CSRNP3: variants seen among roughly 807,000 people sequenced by gnomAD.
The protein encoded by CSRNP3 is cysteine and serine rich nuclear protein 3, also known as cysteine/serine-rich nuclear protein 3.
In CSRNP3, 12 loss-of-function variants were observed where a neutral mutation model predicts 48.0. That is an observed-to-expected ratio of 0.25 (90% confidence interval 0.16 to 0.41). CSRNP3 has a LOEUF of 0.41. Ranked by LOEUF, CSRNP3 falls within the 10% of genes least tolerant of loss-of-function variation. The pLI is 1.00. For missense variants in CSRNP3, 580 were observed against 724.4 expected, an observed-to-expected ratio of 0.80 and a Z score of 2.29; for synonymous variants, 263 against 269.7, an observed-to-expected ratio of 0.98 and a Z score of 0.24.
chr2:165,566,650 T>G (rs1685301249), intron 3 of CSRNP3: 1 of 151,938 alleles, frequency 6.6e-6, no homozygotes, highest in Non-Finnish European at 1.5e-5. Flanking sequence ...ATCCAACTAA[T>G]TTTTAAATTT....
At chr2:165,535,066 G>A (rs1489902503) in intron 3 of CSRNP3, among the ~76,000 whole-genome samples, 1 of 151,734 alleles carries the variant, frequency 6.6e-6, no homozygotes, top group Non-Finnish European at 1.5e-5. Context: ...ATAATGGTAT[G>A]TAATATAGTC....
At chr2:165,491,964 A>C (rs1311477387) in intron 1 of CSRNP3, among the ~76,000 whole-genome samples, 1 of 150,808 alleles carries the variant, frequency 6.6e-6, no homozygotes, top group African/African-American at 2.4e-5. Flanking sequence ...AAAAAAAAAA[A>C]AAACAAAGCT....
intron 3 of CSRNP3, among the ~76,000 whole-genome samples, chr2:165,581,661 C>T (rs537538719): frequency 5.3e-5 from 8 of 151,800 alleles, no homozygotes; most frequent in South Asian, 2.1e-4. Context: ...CTCAGCCTCC[C>T]GAGTAGCTGG....
At position 165,636,264 on chromosome 2, in the gene CSRNP3, G is replaced by A. The variant is rs1305910263; in HGVS notation, c.149-21497G>A. ...CTTAGAAATTGCCTGGATTCTAGGTGCTTAATATATATTTATTCAGTGAAT... is the reference window on the plus strand; with the variant it reads ...CTTAGAAATTGCCTGGATTCTAGGTACTTAATATATATTTATTCAGTGAAT... On this transcript the variant is annotated intron_variant, in intron 4 of 6. Transcript: ENST00000651982. Among the ~76,000 whole-genome samples, 6 of 152,220 alleles carry A rather than the reference G, an allele frequency of 3.9e-5. No homozygotes were observed. The East Asian group carries it at 1.2e-3, about 29-fold the overall frequency.
chr2:165,523,375 CCT>C (rs1684689294), intron 3 of CSRNP3, among the ~76,000 whole-genome samples: 1 of 152,140 alleles, frequency 6.6e-6, no homozygotes, highest in South Asian at 2.1e-4. Flanking sequence ...AACAAACCAA[CCT>C]CTTTCTTCAC....
At chr2:165,527,199 CTT>C (rs535826285) in intron 3 of CSRNP3, among the ~76,000 whole-genome samples, 5,332 of 86,972 alleles carry the variant, frequency 0.061, 54 homozygotes, top group Non-Finnish European at 0.081. Context: ...GCTGTTTGTA[CTT>C]TTTTTTTTTT....
At chr2:165,510,038 T>G (rs1413987187) in intron 2 of CSRNP3, among the ~76,000 whole-genome samples, 2 of 152,200 alleles carry the variant, frequency 1.3e-5, no homozygotes, top group African/African-American at 2.4e-5. Context: ...ACCAGAGAAG[T>G]AAAGTACTCT....
At chr2:165,582,724 G>A (rs1481630292) in intron 3 of CSRNP3, among the ~76,000 whole-genome samples, 1 of 152,144 alleles carries the variant, frequency 6.6e-6, no homozygotes, top group Non-Finnish European at 1.5e-5. Context: ...CCAGAGCAGA[G>A]GTTTTTATCC....
chr2:165,525,641 A>T (rs1254172665), intron 3 of CSRNP3, among the ~76,000 whole-genome samples: 3 of 151,650 alleles, frequency 2.0e-5, no homozygotes, highest in African/African-American at 7.3e-5. Flanking sequence ...GTGTGACACC[A>T]CGCTCGGCTA....
At chr2:165,507,630 A>G (rs2105224188) in intron 2 of CSRNP3, among the ~76,000 whole-genome samples, 1 of 152,232 alleles carries the variant, frequency 6.6e-6, no homozygotes, top group East Asian at 1.9e-4. Context: ...TATATTTCAC[A>G]TTGGCATTAC....
At chr2:165,555,272 G>C (rs1685147490) in intron 3 of CSRNP3, among the ~76,000 whole-genome samples, 1 of 152,150 alleles carries the variant, frequency 6.6e-6, no homozygotes, top group South Asian at 2.1e-4. Flanking sequence ...ACTTCCACCA[G>C]AATGAAAGCT....
At chr2:165,576,497 C>A (rs1436558242) in intron 3 of CSRNP3, among the ~76,000 whole-genome samples, 1 of 151,792 alleles carries the variant, frequency 6.6e-6, no homozygotes, top group Non-Finnish European at 1.5e-5. Context: ...GAAGGAAAGC[C>A]CATGAAGATT....
chr2:165,584,561 C>G (rs1685597171), intron 3 of CSRNP3, among the ~76,000 whole-genome samples: 1 of 152,100 alleles, frequency 6.6e-6, no homozygotes, highest in Non-Finnish European at 1.5e-5. Context: ...TATCCCAACT[C>G]TACAGGCTCC....
At chr2:165,499,247 C>A (rs116497374) in intron 2 of CSRNP3, among the ~76,000 whole-genome samples, 1 of 152,126 alleles carries the variant, frequency 6.6e-6, no homozygotes, top group Non-Finnish European at 1.5e-5. Flanking sequence ...CTGTTTATGA[C>A]GGTGATGATG....
At chr2:165,603,940 C>G (rs935128946) in intron 4 of CSRNP3, among the ~76,000 whole-genome samples, 1 of 152,118 alleles carries the variant, frequency 6.6e-6, no homozygotes, top group African/African-American at 2.4e-5. Flanking sequence ...TGTTATTACC[C>G]ACATGTCTTT....
intron 1 of CSRNP3, among the ~76,000 whole-genome samples, chr2:165,476,405 T>G (rs538844552): frequency 6.6e-6 from 1 of 152,296 alleles, no homozygotes; most frequent in East Asian, 1.9e-4. Context: ...TCACCACAAC[T>G]AGGTAAAAAT....
intron 3 of CSRNP3, among the ~76,000 whole-genome samples, chr2:165,533,032 A>G (rs1684835655): frequency 6.6e-6 from 1 of 152,166 alleles, no homozygotes; most frequent in Non-Finnish European, 1.5e-5. Flanking sequence ...TTTCCCTAAA[A>G]TGATTTTTCA....
intron 1 of CSRNP3, among the ~76,000 whole-genome samples, chr2:165,485,774 A>G (rs1684104302): frequency 6.6e-6 from 1 of 152,222 alleles, no homozygotes; most frequent in African/African-American, 2.4e-5. Flanking sequence ...ATTGAATTAA[A>G]AGAAATATTT....
At chr2:165,533,172 C>G (rs560990658) in intron 3 of CSRNP3, among the ~76,000 whole-genome samples, 5 of 152,022 alleles carry the variant, frequency 3.3e-5, no homozygotes, top group South Asian at 4.1e-4. Flanking sequence ...TTCAACATTT[C>G]TGTTAAATAG....
Sources: gnomAD v4.1 joint callset for allele counts (sites outside exome capture counted in the v4.1 genomes callset) on GRCh38, gnomAD v4.1.1 for gene constraint, MANE v1.5 for transcripts, NCBI Gene and HGNC (gene_info 2026-07-23, HGNC 2026-07-21) for gene names.